Variants in CBLB observed in about 807,000 individuals in gnomAD.
CBLB encodes the protein E3 ubiquitin-protein ligase CBL-B.
In CBLB, 31 loss-of-function variants were observed where a neutral mutation model predicts 104.9. That is an observed-to-expected ratio of 0.30 (90% CI 0.22 to 0.40). The LOEUF is 0.40. CBLB is among the 10% of genes least tolerant of loss of function. The pLI is 1.00. For synonymous variants in CBLB, 440 were observed against 422.6 expected (o/e 1.04, Z -0.51); for missense variants, 1,062 against 1,214.6 (o/e 0.87, Z 1.87).
chr3:105,869,315 T>C (rs1247900355), upstream of CBLB: 1 of 1,198,236 alleles, frequency 8.3e-7, no homozygotes, highest in East Asian at 4.2e-5. Flanking sequence ...GACGAAGGGA[T>C]GCAAGGCACG....
intron 10 of CBLB, 74 bp from the exon 11 acceptor site, chr3:105,704,247 T>G (rs932727910): frequency 7.2e-7 from 1 of 1,394,444 alleles, no homozygotes; most frequent in African/African-American, 1.4e-5. Context: ...AAGAATATAT[T>G]TGGTTGGAAG....
chr3:105,745,378 T>C (rs190702373), intron 6 of CBLB, among the ~76,000 whole-genome samples: 15 of 152,322 alleles, frequency 9.8e-5, no homozygotes, highest in African/African-American at 3.6e-4. Context: ...AAAATATAAA[T>C]TCTGAGGCTA....
chr3:105,750,017 A>G (rs113296140), intron 5 of CBLB, among the ~76,000 whole-genome samples: 108 of 143,944 alleles, frequency 7.5e-4, no homozygotes, highest in African/African-American at 2.7e-3. Flanking sequence ...AATATATCCT[A>G]TATGTATTTT....
intron 12 of CBLB, among the ~76,000 whole-genome samples, chr3:105,700,115 A>G (rs1357804586): frequency 1.3e-5 from 2 of 152,174 alleles, no homozygotes; most frequent in African/African-American, 2.4e-5. Flanking sequence ...GAATGTTTTT[A>G]TAACTGAACT....
chr3:105,693,569 A>G lies in CBLB; in HGVS notation c.1979T>C (p.Leu660Pro). ...AGGAACATCATATTCTTCACTTCCA[A>G]GGTGACCATTGGAAAAGACCTGAAA... The part of the protein sequence containing the change: ...EGAKVFSNGH[L>P]GSEEYDVPPR... Residue 660 changes from leucine (L) to proline (P), a missense_variant, in exon 13 of 19, where the codon CTT becomes CCT. Coordinates refer to ENST00000394030, the MANE Select transcript of CBLB (RefSeq NM_170662.5). 6 of 1,612,092 alleles carry G rather than the reference A, an allele frequency of 3.7e-6. No homozygotes were observed. The highest frequency in any genetic ancestry group is 4.2e-6 in the Non-Finnish European group (5 of 1,178,392).
In CBLB at chr3:105,851,011, C is replaced by G. The variant is rs555055899; in HGVS notation, c.419+2403G>C. Among the ~76,000 whole-genome samples the G allele has an allele frequency of 1.1e-3, 166 of 152,262 alleles. 1 individual carries two copies. The highest frequency in any genetic ancestry group is 3.6e-3 in the African/African-American group (151 of 41,546). On this transcript the variant is annotated intron_variant, in intron 3 of 18. Transcript: ENST00000394030. ...CTAAACTTATGCATACCCTGAAAAT[C>G]TAGCAATCTTGCTAGGTATTTTACC... is the stretch of plus-strand genomic sequence containing the variant.
chr3:105,702,913 T>G (rs2069460163), intron 11 of CBLB, among the ~76,000 whole-genome samples: 1 of 152,178 alleles, frequency 6.6e-6, no homozygotes, highest in Non-Finnish European at 1.5e-5. Flanking sequence ...TTTTTCTTTA[T>G]TTTTGTTTTC....
At chr3:105,812,040 T>C (rs1447767056) in intron 3 of CBLB, among the ~76,000 whole-genome samples, 1 of 152,074 alleles carries the variant, frequency 6.6e-6, no homozygotes, top group Non-Finnish European at 1.5e-5. Context: ...TTTAAATACT[T>C]GGTCTCCCTT....
intron 3 of CBLB, among the ~76,000 whole-genome samples, chr3:105,846,560 T>C (rs1043047764): frequency 1.2e-4 from 19 of 152,098 alleles, no homozygotes; most frequent in Admixed American, 1.3e-4. Flanking sequence ...CATTGAAATG[T>C]CTGAGGTGAA....
intron 13 of CBLB, among the ~76,000 whole-genome samples, chr3:105,690,179 T>G (rs892131835): frequency 3.9e-5 from 6 of 152,026 alleles, no homozygotes; most frequent in African/African-American, 1.5e-4. Flanking sequence ...AACATTGGAG[T>G]TTTCAACATT....
chr3:105,869,343 G>C (rs1706766689), upstream of CBLB: 9 of 1,333,516 alleles, frequency 6.7e-6, no homozygotes, highest in East Asian at 2.4e-4. Context: ...TAACCAATAA[G>C]GGGTGGCAGG....
chr3:105,782,569 TTTTC>T (rs753396112), intron 3 of CBLB, among the ~76,000 whole-genome samples: 206 of 148,262 alleles, frequency 1.4e-3, no homozygotes, highest in Non-Finnish European at 2.6e-3. Flanking sequence ...TGTAGTATTC[TTTTC>T]TTTTCTTTTT....
intron 12 of CBLB, among the ~76,000 whole-genome samples, chr3:105,698,605 CAAAAA>C (rs34896633): frequency 2.5e-5 from 2 of 80,818 alleles, no homozygotes; most frequent in African/African-American, 4.9e-5. Context: ...ACCATTTGAC[CAAAAA>C]AAAAAAAAAA....
At chr3:105,784,160 ACTT>A (rs1181159276) in intron 3 of CBLB, among the ~76,000 whole-genome samples, 1 of 152,200 alleles carries the variant, frequency 6.6e-6, no homozygotes, top group Non-Finnish European at 1.5e-5. Context: ...TTAGTATTGA[ACTT>A]CTTTTGATGA....
At chr3:105,676,381 C>A (rs1391945431) in intron 17 of CBLB, among the ~76,000 whole-genome samples, 4 of 151,802 alleles carry the variant, frequency 2.6e-5, no homozygotes, top group Admixed American at 2.6e-4. Context: ...ATTCTTTTGA[C>A]AAAAACAGGT....
chr3:105,755,135 G>A (rs2076973918), intron 4 of CBLB, among the ~76,000 whole-genome samples: 1 of 151,004 alleles, frequency 6.6e-6, no homozygotes, highest in African/African-American at 2.4e-5. Context: ...CCACTAATGT[G>A]TCATCTAGCA....
Position 105,678,472 on chromosome 3 carries a change from C to CA in CBLB, c.2527_2528insT (p.Ser843MetfsTer19). 6.2e-7 allele frequency: 1 copy of CA among 1,614,046 alleles called. No individual in the cohort carries two copies. Among genetic ancestry groups the CA allele is most frequent in the Non-Finnish European group, 8.5e-7 (1 of 1,179,954 alleles). On this transcript the variant is annotated frameshift_variant, in exon 17 of 19. Coordinates refer to ENST00000394030, the MANE Select transcript of CBLB (RefSeq NM_170662.5). LOFTEE classifies it high-confidence loss of function. ...AAGATCCTGTCCTGAGGATGGCCGG[C>CA]TACTGGAGCCAGGAGGTTTTGAATG...
chr3:105,759,748 T>C (rs2077434486), intron 4 of CBLB, among the ~76,000 whole-genome samples: 1 of 151,992 alleles, frequency 6.6e-6, no homozygotes, highest in Non-Finnish European at 1.5e-5. Context: ...CCTGCTGGGG[T>C]AGGGGGACTT....
intron 17 of CBLB, among the ~76,000 whole-genome samples, chr3:105,675,766 T>A (rs1479559495): frequency 2.7e-5 from 4 of 150,758 alleles, no homozygotes; most frequent in Non-Finnish European, 5.9e-5. Context: ...ACACCTGTAA[T>A]CCCAGCTACT....
Sources: allele counts gnomAD v4.1 joint callset (sites outside exome capture counted in the v4.1 genomes callset), GRCh38; gene constraint gnomAD v4.1.1; transcripts MANE v1.5; gene names NCBI Gene and HGNC (gene_info 2026-07-23, HGNC 2026-07-21).